Variants in SENP2 observed in about 807,000 individuals in gnomAD.
SENP2 encodes sentrin-specific protease 2.
Under a neutral mutation model 86.3 loss-of-function variants are expected in SENP2, and 16 were observed. The observed-to-expected ratio is 0.19, with a 90% CI of 0.13 to 0.28. The LOEUF is 0.28. Among genes scored for constraint, SENP2 ranks in the 10% least tolerant of loss-of-function variants. The probability of loss-of-function intolerance (pLI) is 1.00; values close to 1 mark genes in which losing one functional copy is unlikely to be tolerated. For synonymous variants in SENP2, 222 were observed against 238.7 expected (o/e 0.93, Z 0.64); for missense variants, 552 against 703.0 (o/e 0.79, Z 2.43).
intron 11 of SENP2, 103 bp downstream of exon 11, chr3:185,614,843 T>G: frequency 9.4e-7 from 1 of 1,063,356 alleles, no homozygotes; most frequent in Non-Finnish European, 1.4e-6. Flanking sequence ...AGGCTAGGGG[T>G]GAATATATGA....
intron 2 of SENP2, among the ~76,000 whole-genome samples, chr3:185,592,655 T>A (rs1259968409): frequency 1.3e-5 from 2 of 151,630 alleles, no homozygotes; most frequent in African/African-American, 4.8e-5. Flanking sequence ...CTTGCTCTGT[T>A]GCTCAGGCTG....
chr3:185,625,180 T>C (rs890049355), intron 15 of SENP2, among the ~76,000 whole-genome samples: 38 of 151,910 alleles, frequency 2.5e-4, no homozygotes, highest in Non-Finnish European at 4.0e-4. Flanking sequence ...GGCGCAATCT[T>C]GGCTCACTGC....
At chr3:185,616,199 G>T (rs894097747) in intron 11 of SENP2, among the ~76,000 whole-genome samples, 3 of 148,170 alleles carry the variant, frequency 2.0e-5, no homozygotes, top group African/African-American at 7.4e-5. Context: ...GAGAATGGGC[G>T]TGGTGGCTCA....
intron 4 of SENP2, among the ~76,000 whole-genome samples, chr3:185,600,462 A>T (rs1285682684): frequency 6.6e-6 from 1 of 152,228 alleles, no homozygotes; most frequent in African/African-American, 2.4e-5. Context: ...TGATTAGATT[A>T]CAGAGAGTTA....
chr3:185,625,224 G>C (rs1560202227), intron 15 of SENP2, among the ~76,000 whole-genome samples: 1 of 151,434 alleles, frequency 6.6e-6, no homozygotes, highest in Non-Finnish European at 1.5e-5. Context: ...CCATTCTCCT[G>C]CCTCAGCCTC....
chr3:185,588,976 C>T (rs1444396096), intron 1 of SENP2, among the ~76,000 whole-genome samples: 1 of 152,174 alleles, frequency 6.6e-6, no homozygotes, highest in Non-Finnish European at 1.5e-5. Context: ...CAACACTTCT[C>T]AGTGTAAACC....
chr3:185,611,783 C>G (rs1228020599), intron 8 of SENP2, 38 bp downstream of exon 8: 3 of 1,401,090 alleles, frequency 2.1e-6, no homozygotes, highest in Non-Finnish European at 3.0e-6. Flanking sequence ...AATATATTGA[C>G]CTTAGTTCAT....
chr3:185,593,226 GA>G lies in SENP2; in HGVS notation c.157+3065del, dbSNP rs888658084. ...CAAGAAATAGTGAATAGAGCTCAGG[GA>G]AAAAAAATGGCTGAAGACAGGTAGA... On this transcript the variant is annotated intron_variant, in intron 2 of 16. Coordinates refer to ENST00000296257, the MANE Select transcript of SENP2 (RefSeq NM_021627.3). 1.1e-4 allele frequency among the ~76,000 whole-genome samples: 16 copies of G among 151,890 alleles called. No homozygotes were observed. In the East Asian group the frequency reaches 2.9e-3, roughly 28 times the overall value.
chr3:185,618,848 C>T (rs1196120334), intron 12 of SENP2, among the ~76,000 whole-genome samples: 1 of 152,098 alleles, frequency 6.6e-6, no homozygotes, highest in Non-Finnish European at 1.5e-5. Context: ...CAGTGGACTC[C>T]AGCCTGGGCG....
chr3:185,607,605 C>T (rs192775402), intron 6 of SENP2, among the ~76,000 whole-genome samples: 1 of 152,292 alleles, frequency 6.6e-6, no homozygotes, highest in East Asian at 1.9e-4. Flanking sequence ...GCTGGGATTA[C>T]AGGCATGAGC....
intron 2 of SENP2, 56 bp from the exon 3 acceptor site, chr3:185,598,356 T>A (rs1021494937): frequency 6.4e-7 from 1 of 1,558,938 alleles, no homozygotes; most frequent in Admixed American, 1.8e-5. Flanking sequence ...GATATCATTT[T>A]ATTTTTTAGC....
intron 15 of SENP2, among the ~76,000 whole-genome samples, chr3:185,624,721 A>T (rs1712060073): frequency 6.6e-6 from 1 of 151,986 alleles, no homozygotes; most frequent in African/African-American, 2.4e-5. Flanking sequence ...ACTAAAAATT[A>T]ACTGGGTCTG....
In SENP2 at chr3:185,606,533, T is replaced by A. The variant is rs768354591; in HGVS notation, c.618+35T>A. On this transcript the variant is annotated intron_variant, in intron 6 of 16. Transcript: ENST00000296257. ...TTCAGCTTGATTTCTTTAAAAAAAA[T>A]TTTACAGCTCTTCCCAAGGATGCTG... The A allele has an allele frequency of 6.0e-6, 9 of 1,511,960 alleles. No individual in the cohort carries two copies. The Admixed American group carries it at 9.1e-5, about 15-fold the overall frequency. The allele number at this position is 1,511,960 out of a possible 1,614,324, so 93.7% of individuals were successfully genotyped here. A position where few individuals can be genotyped will look rare whatever the true frequency, so the allele number is the denominator to read the frequency against.
chr3:185,624,172 C>T, intron 15 of SENP2, 90 bp downstream of exon 15: 1 of 773,130 alleles, frequency 1.3e-6, no homozygotes, highest in Non-Finnish European at 2.1e-6. Flanking sequence ...CCCTTCCTCC[C>T]TCCCTGCATG....
chr3:185,626,869 A>G (rs899075555), intron 16 of SENP2, among the ~76,000 whole-genome samples: 9 of 151,906 alleles, frequency 5.9e-5, no homozygotes, highest in Middle Eastern at 3.2e-3. Flanking sequence ...TGAGGTCAGG[A>G]GTTCGAGACC....
At chr3:185,587,172 G>A (rs887314956) in intron 1 of SENP2, among the ~76,000 whole-genome samples, 1 of 151,792 alleles carries the variant, frequency 6.6e-6, no homozygotes, top group African/African-American at 2.4e-5. Context: ...TTGCTCTGTC[G>A]CCCAGGCTGG....
chr3:185,612,050 A>G (rs961704975), intron 8 of SENP2, among the ~76,000 whole-genome samples: 2 of 151,930 alleles, frequency 1.3e-5, no homozygotes, highest in Non-Finnish European at 2.9e-5. Flanking sequence ...CCAGCTACTC[A>G]GGAGGCTGAG....
At chr3:185,600,931 T>C (rs893887123) in intron 5 of SENP2, 76 bp downstream of exon 5, 2 of 1,046,956 alleles carry the variant, frequency 1.9e-6, no homozygotes, top group Non-Finnish European at 3.0e-6. Context: ...AGTCTCACTT[T>C]TGTTGTATTA....
At chr3:185,591,418 C>G (rs1209591959) in intron 2 of SENP2, among the ~76,000 whole-genome samples, 1 of 152,044 alleles carries the variant, frequency 6.6e-6, no homozygotes, top group Non-Finnish European at 1.5e-5. Context: ...GTGGTGCAAT[C>G]TCGACTCACT....
Sources: gnomAD v4.1 joint callset for allele counts (sites outside exome capture counted in the v4.1 genomes callset) on GRCh38, gnomAD v4.1.1 for gene constraint, MANE v1.5 for transcripts, NCBI Gene and HGNC (gene_info 2026-07-23, HGNC 2026-07-21) for gene names.